The following RANBP17 variants were observed in gnomAD, a reference collection of about 807,000 sequenced individuals.
RANBP17 encodes the protein RAN binding protein 17, also known as ran-binding protein 17.
In RANBP17, 158 loss-of-function variants were observed where a neutral mutation model predicts 141.2. That is an observed-to-expected ratio of 1.12 (90% CI 0.98 to 1.28). The LOEUF (loss-of-function observed/expected upper bound fraction) is 1.28. Ranked by LOEUF, RANBP17 falls within the 50% of genes most tolerant of loss-of-function variation. RANBP17 has a pLI of 0.00. For synonymous variants in RANBP17, 430 were observed against 450.0 expected (o/e 0.96, Z 0.56); for missense variants, 1,438 against 1,290.7 (o/e 1.11, Z -1.75).
At chr5:171,294,267 C>T (rs1379745945) in intron 26 of RANBP17, among the ~76,000 whole-genome samples, 4 of 152,200 alleles carry the variant, frequency 2.6e-5, no homozygotes, top group South Asian at 2.1e-4. Flanking sequence ...GCCCTCACTC[C>T]ACTCCCCTGA....
At chr5:170,879,634 T>G (rs2127352752) in intron 2 of RANBP17, among the ~76,000 whole-genome samples, 1 of 152,248 alleles carries the variant, frequency 6.6e-6, no homozygotes, top group African/African-American at 2.4e-5. Flanking sequence ...TTGAGGAACA[T>G]TATCAATTTT....
chr5:171,095,505 G>C (rs2127735027), intron 14 of RANBP17, among the ~76,000 whole-genome samples: 1 of 152,300 alleles, frequency 6.6e-6, no homozygotes, highest in East Asian at 1.9e-4. Flanking sequence ...AGAAAGGACA[G>C]TTCTTTCAAT....
chr5:171,148,202 AAG>A (rs926779775), intron 14 of RANBP17, among the ~76,000 whole-genome samples: 3 of 152,078 alleles, frequency 2.0e-5, no homozygotes, highest in East Asian at 1.9e-4. Flanking sequence ...CATGCTCGTT[AAG>A]AGTCATCACC....
chr5:171,197,895 C>T (rs978904774), intron 18 of RANBP17, among the ~76,000 whole-genome samples: 7 of 152,050 alleles, frequency 4.6e-5, no homozygotes, highest in Non-Finnish European at 1.0e-4. Flanking sequence ...AAAAATTAGC[C>T]GGGCGTTGTG....
intron 14 of RANBP17, among the ~76,000 whole-genome samples, chr5:171,102,775 GT>G (rs1787262507): frequency 1.3e-5 from 2 of 151,944 alleles, no homozygotes; most frequent in South Asian, 4.1e-4. Context: ...TTCGGATGGA[GT>G]TTTTGCTTCG....
In RANBP17 at chr5:171,193,757, C is replaced by A. The variant is rs548067318; in HGVS notation, c.2039-5913C>A. Among the ~76,000 whole-genome samples, 5 of 152,302 alleles carry A rather than the reference C, an allele frequency of 3.3e-5. No individual in the cohort carries two copies. In the South Asian group the frequency reaches 1.0e-3, roughly 32 times the overall value. ...TGCCATCTTTGTGGTTCTTTGACTT[C>A]TGCTTCCCTCTTGCACTTTTAAGGA... On this transcript the variant is annotated intron_variant, in intron 18 of 27. Coordinates refer to ENST00000523189, the MANE Select transcript of RANBP17 (RefSeq NM_022897.5).
At chr5:171,189,669 A>G (rs1761497170) in intron 18 of RANBP17, among the ~76,000 whole-genome samples, 1 of 152,234 alleles carries the variant, frequency 6.6e-6, no homozygotes, top group African/African-American at 2.4e-5. Context: ...GTGATTAGCT[A>G]CACTTGGCCA....
At chr5:170,905,777 T>C (rs1309301643) in intron 5 of RANBP17, among the ~76,000 whole-genome samples, 6 of 152,114 alleles carry the variant, frequency 3.9e-5, no homozygotes, top group South Asian at 2.1e-4. Context: ...CATGTACTTA[T>C]CTTCATTTTA....
intron 7 of RANBP17, among the ~76,000 whole-genome samples, chr5:170,913,608 G>A (rs1771707579): frequency 6.6e-6 from 1 of 152,050 alleles, no homozygotes; most frequent in African/African-American, 2.4e-5. Context: ...TAGTGGATGG[G>A]TTTTTGAGAG....
chr5:171,070,678 C>T (rs1784580981), intron 14 of RANBP17, among the ~76,000 whole-genome samples: 1 of 152,026 alleles, frequency 6.6e-6, no homozygotes, highest in Non-Finnish European at 1.5e-5. Flanking sequence ...TAGTTAAGTT[C>T]TTCATATTAT....
At chr5:170,934,410 A>G (rs911357165) in intron 12 of RANBP17, among the ~76,000 whole-genome samples, 5 of 152,050 alleles carry the variant, frequency 3.3e-5, no homozygotes, top group African/African-American at 9.7e-5. Context: ...TCGTTGTTGC[A>G]GTTTCTTCCT....
At chr5:171,174,725 A>G (rs1285848364) in intron 16 of RANBP17, among the ~76,000 whole-genome samples, 1 of 150,394 alleles carries the variant, frequency 6.6e-6, no homozygotes, top group African/African-American at 2.5e-5. Flanking sequence ...ATAATCATCA[A>G]ACATGAGAAA....
chr5:171,085,094 A>T (rs1785547140), intron 14 of RANBP17, among the ~76,000 whole-genome samples: 1 of 74,696 alleles, frequency 1.3e-5, no homozygotes, highest in Non-Finnish European at 2.6e-5. Flanking sequence ...TTATGGTTTT[A>T]GGTCTAACGT....
In RANBP17 at chr5:170,878,108, A is replaced by G; in HGVS notation, c.30A>G (p.Glu10=). The G allele has an allele frequency of 6.4e-7, 1 of 1,561,360 alleles. No homozygotes were observed. The change falls in exon 2 of 28, where the codon GAA becomes GAG. Residue 10 remains glutamate, a synonymous_variant. Transcript: ENST00000523189. ...TTTTTTCTTTGAAGAGTTTGGCTGA[A>G]TTGGAAGTGTTATGTACTCATCTCT... MALHFQSLA[E]LEVLCTHLYI...
At chr5:170,927,859 A>T (rs977020718) in intron 12 of RANBP17, among the ~76,000 whole-genome samples, 3 of 152,052 alleles carry the variant, frequency 2.0e-5, no homozygotes, top group African/African-American at 7.2e-5. Context: ...TTGTATGTAG[A>T]AGAAATTTTC....
At chr5:171,189,707 CTCTCTGTTCAGAGTGT>C (rs753559618) in intron 18 of RANBP17, among the ~76,000 whole-genome samples, 16 of 152,302 alleles carry the variant, frequency 1.1e-4, no homozygotes, top group Non-Finnish European at 1.9e-4. Context: ...TCTCTTGTTG[CTCTCTGTTCAGAGTGT>C]TATTACTTTA....
At chr5:171,082,778 C>T (rs2127712116) in intron 14 of RANBP17, among the ~76,000 whole-genome samples, 1 of 151,192 alleles carries the variant, frequency 6.6e-6, no homozygotes, top group Middle Eastern at 3.4e-3. Context: ...CTTTGCCAGA[C>T]AATTTAGGTA....
intron 14 of RANBP17, among the ~76,000 whole-genome samples, chr5:171,055,819 G>C (rs1196849643): frequency 7.3e-6 from 1 of 136,550 alleles, no homozygotes; most frequent in Non-Finnish European, 1.5e-5. Flanking sequence ...TTTAAGAAAA[G>C]CATGCTATTC....
At chr5:171,202,506 G>A (rs946391804) in intron 19 of RANBP17, among the ~76,000 whole-genome samples, 5 of 152,164 alleles carry the variant, frequency 3.3e-5, no homozygotes, top group African/African-American at 1.2e-4. Context: ...TTGATTTTCA[G>A]CATGCGCACA....
Sources: allele counts gnomAD v4.1 joint callset (sites outside exome capture counted in the v4.1 genomes callset), GRCh38; gene constraint gnomAD v4.1.1; transcripts MANE v1.5; gene names NCBI Gene and HGNC (gene_info 2026-07-23, HGNC 2026-07-21).